TJP1: variants seen among roughly 807,000 people sequenced by gnomAD.
TJP1 encodes the protein tight junction protein 1.
Under a neutral mutation model 194.2 loss-of-function variants are expected in TJP1, and 43 were observed. The observed-to-expected ratio is 0.22, with a 90% confidence interval of 0.17 to 0.29. The LOEUF (loss-of-function observed/expected upper bound fraction) is 0.29, where lower values mean the gene tolerates loss of function less well. Ranked by LOEUF, TJP1 falls within the 10% of genes least tolerant of loss-of-function variation. TJP1 has a pLI of 1.00. For synonymous variants in TJP1, 801 were observed against 779.0 expected, an observed-to-expected ratio of 1.03 and a Z score of -0.47; for missense variants, 1,971 against 2,185.7, an observed-to-expected ratio of 0.90 and a Z score of 1.96.
chr15:29,715,835 C>T (rs1369368309), intron 23 of TJP1, among the ~76,000 whole-genome samples: 1 of 152,178 alleles, frequency 6.6e-6, no homozygotes, highest in Non-Finnish European at 1.5e-5. Context: ...GCTTAGCCAG[C>T]CCCTGTAACT....
At chr15:29,748,533 T>C (rs1225531946) in intron 8 of TJP1, among the ~76,000 whole-genome samples, 1 of 151,010 alleles carries the variant, frequency 6.6e-6, no homozygotes, top group Non-Finnish European at 1.5e-5. Flanking sequence ...GTTGTGATAA[T>C]GAATCACATT....
At chr15:29,790,474 T>C (rs935898454) in intron 2 of TJP1, among the ~76,000 whole-genome samples, 9 of 152,232 alleles carry the variant, frequency 5.9e-5, no homozygotes, top group Non-Finnish European at 1.3e-4. Context: ...ACAAGTATAA[T>C]GTGTAACGAT....
intron 2 of TJP1, among the ~76,000 whole-genome samples, chr15:29,784,523 C>T (rs561732033): frequency 6.6e-6 from 1 of 152,100 alleles, no homozygotes; most frequent in East Asian, 1.9e-4. Flanking sequence ...AGGCTTGTCT[C>T]GAACTCCTGA....
At chr15:29,731,269 C>A (rs1395825450) in intron 15 of TJP1, among the ~76,000 whole-genome samples, 7 of 152,094 alleles carry the variant, frequency 4.6e-5, no homozygotes. Flanking sequence ...GACTTTGACA[C>A]ACATGGCCAC....
rs563211169 is a variant in TJP1, at chr15:29,708,191, T to A, written c.4850+368A>T. Among the ~76,000 whole-genome samples, 189 of 140,736 alleles carry A rather than the reference T, an allele frequency of 1.3e-3. 8 individuals are homozygous for A. The South Asian group carries it at 0.043, about 32-fold the overall frequency. The allele number at this position is 140,736 out of a possible 152,430, so 92.3% of individuals were successfully genotyped here. ...AGCCTGGGCGACAGAGGGAGACTCTTGTCTCAAAAAAAAAAAAAAAAAAAA... is the reference window on the plus strand; with the variant it reads ...AGCCTGGGCGACAGAGGGAGACTCTAGTCTCAAAAAAAAAAAAAAAAAAAA... On this transcript the variant is annotated intron_variant, in intron 25 of 27. Transcript: ENST00000614355.
chr15:29,714,312 C>T (rs898986373), intron 23 of TJP1, among the ~76,000 whole-genome samples: 3 of 151,958 alleles, frequency 2.0e-5, no homozygotes, highest in Non-Finnish European at 1.5e-5. Context: ...GATCTCGGCT[C>T]ATTGCAAGCT....
intron 2 of TJP1, among the ~76,000 whole-genome samples, chr15:29,907,085 G>T (rs1234654981): frequency 6.6e-6 from 1 of 152,042 alleles, no homozygotes; most frequent in Non-Finnish European, 1.5e-5. Flanking sequence ...CTTGTGTGTA[G>T]GTTTGAAACT....
chr15:29,918,554 G>A (rs2054259166), intron 2 of TJP1, among the ~76,000 whole-genome samples: 1 of 152,002 alleles, frequency 6.6e-6, no homozygotes, highest in Non-Finnish European at 1.5e-5. Flanking sequence ...GGGCAATGTG[G>A]CGAAACCCCA....
At chr15:29,872,143 G>C (rs1295629454) in intron 2 of TJP1, among the ~76,000 whole-genome samples, 3 of 152,150 alleles carry the variant, frequency 2.0e-5, no homozygotes, top group Non-Finnish European at 4.4e-5. Context: ...AAGACTCCTT[G>C]ATACCATTTC....
intron 2 of TJP1, among the ~76,000 whole-genome samples, chr15:29,869,795 C>CTTTTTTTTTTTTTTT (rs11318770): frequency 1.4e-4 from 8 of 56,060 alleles, no homozygotes; most frequent in Non-Finnish European, 2.2e-4. Context: ...TTCTTTCTTT[C>CTTTTTTTTTTTTTTT]TTTTTTTTTT....
At chr15:29,828,572 T>TC (rs764388161) in intron 2 of TJP1, among the ~76,000 whole-genome samples, 37 of 152,232 alleles carry the variant, frequency 2.4e-4, no homozygotes, top group Non-Finnish European at 4.7e-4. Context: ...TTTCCTCCTC[T>TC]CCCCCCATAT....
At chr15:29,870,489 G>A (rs544731358) in intron 2 of TJP1, among the ~76,000 whole-genome samples, 430 of 152,294 alleles carry the variant, frequency 2.8e-3, no homozygotes, top group Non-Finnish European at 4.1e-3. Flanking sequence ...TGATGAAACC[G>A]AAAACTCTTA....
intron 2 of TJP1, among the ~76,000 whole-genome samples, chr15:29,792,636 A>T (rs1041501398): frequency 6.6e-6 from 1 of 152,234 alleles, no homozygotes. Context: ...TAATTCTGTG[A>T]AGAATGTCAT....
intron 2 of TJP1, among the ~76,000 whole-genome samples, chr15:29,925,514 A>G (rs2054496148): frequency 6.6e-6 from 1 of 152,158 alleles, no homozygotes; most frequent in Non-Finnish European, 1.5e-5. Flanking sequence ...TCCATACCTG[A>G]GTTTCCTCAT....
intron 2 of TJP1, among the ~76,000 whole-genome samples, chr15:29,878,951 C>T (rs556342771): frequency 1.3e-5 from 2 of 152,028 alleles, no homozygotes; most frequent in East Asian, 2.0e-4. Context: ...GGTGAAACCC[C>T]GTCTCTACTA....
chr15:29,929,838 C>G (rs1307372236), intron 2 of TJP1, among the ~76,000 whole-genome samples: 1 of 151,488 alleles, frequency 6.6e-6, no homozygotes, highest in Non-Finnish European at 1.5e-5. Flanking sequence ...AGCAGCAAAA[C>G]TGAAAGCTGC....
In TJP1 at chr15:29,779,160, T is replaced by G. The variant is rs539153202; in HGVS notation, c.85-5803A>C. On this transcript the variant is annotated intron_variant, in intron 2 of 27. Coordinates refer to ENST00000614355, the MANE Select transcript of TJP1 (RefSeq NM_001330239.4). Reference sequence around the variant, plus strand: ...TCCAGGAACCAGTTGGCAGCTCTTGTCCACTTCAAGCTGATTAAGACCACC... The same window carrying G: ...TCCAGGAACCAGTTGGCAGCTCTTGGCCACTTCAAGCTGATTAAGACCACC... 3.9e-5 allele frequency among the ~76,000 whole-genome samples: 6 copies of G among 152,250 alleles called. No homozygotes were observed. The East Asian group carries it at 1.2e-3, about 29-fold the overall frequency.
chr15:29,715,874 A>T (rs1170451062), intron 23 of TJP1, among the ~76,000 whole-genome samples: 3 of 152,294 alleles, frequency 2.0e-5, no homozygotes, highest in African/African-American at 7.2e-5. Flanking sequence ...TGACAAATCC[A>T]CATCTGTTTT....
At chr15:29,872,873 C>A (rs1220947045) in intron 2 of TJP1, among the ~76,000 whole-genome samples, 1 of 152,204 alleles carries the variant, frequency 6.6e-6, no homozygotes, top group African/African-American at 2.4e-5. Context: ...CAAATGCCCT[C>A]TTTCACTCTG....
Sources: allele counts gnomAD v4.1 joint callset (sites outside exome capture counted in the v4.1 genomes callset), GRCh38; gene constraint gnomAD v4.1.1; transcripts MANE v1.5; gene names NCBI Gene and HGNC (gene_info 2026-07-23, HGNC 2026-07-21).